The following CSMD3 variants were observed in gnomAD, a reference collection of about 807,000 sequenced individuals.
CSMD3 encodes CUB and sushi domain-containing protein 3.
In CSMD3, 177 loss-of-function variants were observed where a neutral mutation model predicts 435.2. The observed-to-expected ratio is 0.41, with a 90% CI of 0.36 to 0.46. CSMD3 has a LOEUF of 0.46. CSMD3 is among the 20% of genes least tolerant of loss of function. The pLI is 0.34. For missense variants in CSMD3, 4,265 were observed against 4,504.6 expected (o/e 0.95, Z 1.52); for synonymous variants, 1,656 against 1,520.5 (o/e 1.09, Z -2.07).
intron 59 of CSMD3, among the ~76,000 whole-genome samples, chr8:112,276,073 C>G (rs1818006578): frequency 6.6e-6 from 1 of 152,198 alleles, no homozygotes; most frequent in African/African-American, 2.4e-5. Context: ...AATGGGGGTA[C>G]AGGCATTGGA....
At chr8:112,974,225 G>A (rs756079571) in intron 7 of CSMD3, among the ~76,000 whole-genome samples, 4 of 151,808 alleles carry the variant, frequency 2.6e-5, no homozygotes, top group Non-Finnish European at 5.9e-5. Context: ...TAATTTAATG[G>A]TTGACTATTA....
intron 32 of CSMD3, among the ~76,000 whole-genome samples, chr8:112,432,909 GA>G (rs11300101): frequency 0.35 from 50,379 of 145,170 alleles, 9,983 homozygotes; most frequent in African/African-American, 0.57. Context: ...GGCTCCACTG[GA>G]AAAAAAAAAA....
chr8:112,226,701 C>A (rs1812591937), intron 70 of CSMD3, among the ~76,000 whole-genome samples: 1 of 152,086 alleles, frequency 6.6e-6, no homozygotes, highest in African/African-American at 2.4e-5. Flanking sequence ...AGAACTCTTA[C>A]AACCAAATAA....
chr8:113,017,088 C>T (rs1053144118), intron 6 of CSMD3, among the ~76,000 whole-genome samples: 1 of 151,868 alleles, frequency 6.6e-6, no homozygotes, highest in African/African-American at 2.4e-5. Flanking sequence ...ACTGCATTTC[C>T]TCTGTTATAT....
chr8:113,381,251 G>T (rs1360144295), intron 1 of CSMD3, among the ~76,000 whole-genome samples: 1 of 152,100 alleles, frequency 6.6e-6, no homozygotes, highest in Admixed American at 6.6e-5. Context: ...AAGTGTGAGG[G>T]AAATAATTTA....
chr8:112,938,426 TAAC>T (rs2083351647), intron 9 of CSMD3, among the ~76,000 whole-genome samples: 1 of 152,192 alleles, frequency 6.6e-6, no homozygotes, highest in Admixed American at 6.6e-5. Flanking sequence ...ATTTTGACTT[TAAC>T]AGAGCCAAGA....
chr8:112,658,529 T>G (rs2075307139), intron 17 of CSMD3, among the ~76,000 whole-genome samples: 1 of 152,240 alleles, frequency 6.6e-6, no homozygotes, highest in Admixed American at 6.5e-5. Context: ...TGTGAATTTT[T>G]GAAGTGTATT....
At chr8:113,254,932 A>G (rs1193833472) in intron 3 of CSMD3, among the ~76,000 whole-genome samples, 1 of 152,202 alleles carries the variant, frequency 6.6e-6, no homozygotes, top group African/African-American at 2.4e-5. Flanking sequence ...AAAATTTATT[A>G]TAACAATTGG....
intron 32 of CSMD3, among the ~76,000 whole-genome samples, chr8:112,420,341 C>A (rs1812345866): frequency 6.6e-6 from 1 of 152,092 alleles, no homozygotes; most frequent in Admixed American, 6.6e-5. Flanking sequence ...TCCATAAATG[C>A]TTTGGTATTT....
At chr8:113,378,238 T>C (rs967793394) in intron 1 of CSMD3, among the ~76,000 whole-genome samples, 1 of 152,164 alleles carries the variant, frequency 6.6e-6, no homozygotes, top group African/African-American at 2.4e-5. Context: ...GATCCTGTAT[T>C]ATGAATAGGA....
At chr8:112,316,422 A>G (rs1822470476) in intron 47 of CSMD3, among the ~76,000 whole-genome samples, 1 of 151,730 alleles carries the variant, frequency 6.6e-6, no homozygotes, top group East Asian at 1.9e-4. Context: ...ATGATATGGA[A>G]TATATGAGTC....
At chr8:112,894,731 C>T (rs1408209005) in intron 10 of CSMD3, among the ~76,000 whole-genome samples, 1 of 150,786 alleles carries the variant, frequency 6.6e-6, no homozygotes, top group Non-Finnish European at 1.5e-5. Flanking sequence ...AGCATAAGTC[C>T]ATACAGGTAT....
intron 6 of CSMD3, among the ~76,000 whole-genome samples, chr8:112,979,068 CA>C (rs2130951911): frequency 6.6e-6 from 1 of 151,940 alleles, no homozygotes; most frequent in African/African-American, 2.4e-5. Flanking sequence ...TTTTAACTTT[CA>C]AAAACATCAC....
chr8:112,560,036 C>A lies in CSMD3; in HGVS notation c.4043-3082G>T, dbSNP rs1022499764. 2.0e-5 allele frequency among the ~76,000 whole-genome samples: 3 copies of A among 151,694 alleles called. No individual in the cohort carries two copies. In the East Asian group the frequency reaches 5.8e-4, roughly 29 times the overall value. On this transcript the variant is annotated intron_variant, in intron 24 of 70. Coordinates refer to ENST00000297405, the MANE Select transcript of CSMD3 (RefSeq NM_198123.2). Reference sequence around the variant, plus strand: ...GGCATAGATTCTTGACCAAATTAATCTAGATTTGAATTAGAAAGCAAAAAA... The same window carrying A: ...GGCATAGATTCTTGACCAAATTAATATAGATTTGAATTAGAAAGCAAAAAA...
intron 5 of CSMD3, among the ~76,000 whole-genome samples, chr8:113,085,800 GGTTA>G (rs1165314972): frequency 6.6e-6 from 1 of 152,098 alleles, no homozygotes; most frequent in Non-Finnish European, 1.5e-5. Flanking sequence ...GCTAGAGAGA[GGTTA>G]GTTAATGAAT....
At position 112,406,569 on chromosome 8, in the gene CSMD3, G is replaced by A. The variant is rs1207558155; in HGVS notation, c.5764C>T (p.Pro1922Ser). 3.1e-6 allele frequency: 5 copies of A among 1,612,120 alleles called. No homozygotes were observed. Among genetic ancestry groups the A allele is most frequent in the Non-Finnish European group, 3.4e-6 (4 of 1,178,754 alleles). ...TCATTCCACTGGGCCAAAGAATTGG[G>A]CACTGTTTCACACCTAATTGCTATG... is the stretch of plus-strand genomic sequence containing the variant. Reference protein sequence around the residue: ...GSIAIRCETVPNSLAQWNDSL... With the variant: ...GSIAIRCETVSNSLAQWNDSL... The change falls in exon 35 of 71, where the codon CCC (proline) becomes TCC (serine). Residue 1922 changes from proline to serine, a missense_variant. Physicochemically the swap from Pro to Ser is moderately conservative, Grantham distance 74. This residue lies in a region of CSMD3 where 3,255 missense variants were observed against 3,380.2 expected (regional missense o/e 0.96). Transcript: ENST00000297405.
intron 3 of CSMD3, among the ~76,000 whole-genome samples, chr8:113,199,830 C>G (rs1564418560): frequency 6.6e-6 from 1 of 151,680 alleles, no homozygotes; most frequent in Non-Finnish European, 1.5e-5. Flanking sequence ...AAAAAAATGA[C>G]TTATTAAAGG....
chr8:112,502,771 T>A (rs2130909521), intron 30 of CSMD3, among the ~76,000 whole-genome samples: 1 of 152,348 alleles, frequency 6.6e-6, no homozygotes, highest in African/African-American at 2.4e-5. Context: ...TTACTCTATA[T>A]AATTTTCCAT....
intron 27 of CSMD3, among the ~76,000 whole-genome samples, chr8:112,545,510 T>A (rs1358389603): frequency 0.041 from 3,445 of 84,132 alleles, 71 homozygotes; most frequent in African/African-American, 0.089. Flanking sequence ...AAAATAATAA[T>A]AATAATAATA....
Sources: allele counts gnomAD v4.1 joint callset (sites outside exome capture counted in the v4.1 genomes callset), GRCh38; gene constraint gnomAD v4.1.1; regional missense constraint gnomAD v4.1.1; transcripts MANE v1.5; gene names NCBI Gene and HGNC (gene_info 2026-07-23, HGNC 2026-07-21).